Variants in CLIP2 observed in about 807,000 individuals in gnomAD.
CLIP2 encodes the protein CAP-Gly domain-containing linker protein 2.
CLIP2 carries 41 observed loss-of-function variants against 111.7 expected under a neutral mutation model. The ratio of observed to expected loss-of-function variants is 0.37; its 90% CI spans 0.29 to 0.48. The LOEUF (loss-of-function observed/expected upper bound fraction) is 0.48. CLIP2 is among the 20% of genes least tolerant of loss of function. CLIP2 has a pLI of 0.99. For missense variants in CLIP2, 1,160 were observed against 1,422.1 expected (o/e 0.82, Z 2.96); for synonymous variants, 660 against 644.2 (o/e 1.02, Z -0.37).
intron 1 of CLIP2, among the ~76,000 whole-genome samples, chr7:74,297,961 T>C (rs1253001095): frequency 6.6e-6 from 1 of 151,650 alleles, no homozygotes. Context: ...TCACTAAACA[T>C]GTATTTTTGA....
intron 1 of CLIP2, among the ~76,000 whole-genome samples, chr7:74,303,302 G>A (rs1788388864): frequency 6.6e-6 from 1 of 152,194 alleles, no homozygotes; most frequent in African/African-American, 2.4e-5. Context: ...ATGGGCAGTG[G>A]GGTCCGTGGA....
Position 74,357,398 on chromosome 7 carries a change from GGGCTGAGGTGGCCAA to G in CLIP2, c.1140_1154del (p.Glu381_Ala385del), listed in dbSNP as rs781907330. On this transcript the variant is annotated inframe_deletion, in exon 6 of 17. Coordinates refer to ENST00000223398, the MANE Select transcript of CLIP2 (RefSeq NM_003388.5). ...CTGCTGGCTGAACGAGACCTGGAAC[GGGCTGAGGTGGCCAA>G]GGCCACAAGCCACATCTGCGAGGTG... 6.2e-7 allele frequency: 1 copy of G among 1,613,534 alleles called. No homozygotes were observed. The highest frequency in any genetic ancestry group is 1.1e-5 in the South Asian group (1 of 90,998).
At position 74,338,698 on chromosome 7, in the gene CLIP2, G is replaced by A. The variant is rs1554732677; in HGVS notation, c.372G>A (p.Val124=). Residue 124 remains valine, a synonymous_variant, in exon 3 of 17, where the codon GTG becomes GTA. Transcript: ENST00000223398. The surrounding 1 kb of genome is among the most constrained non-coding windows in gnomAD (Gnocchi z 4.3). ...CGGTGGGCAAGAATGATGGCGCGGT[G>A]GGCGGCGTGCGCTACTTCGAGTGCC... is the stretch of plus-strand genomic sequence containing the variant. ...DDPVGKNDGA[V]GGVRYFECPA... 1.3e-6 allele frequency: 2 copies of A among 1,585,274 alleles called. No individual in the cohort carries two copies. The highest frequency in any genetic ancestry group is 1.7e-6 in the Non-Finnish European group (2 of 1,169,628).
chr7:74,292,605 C>G (rs2116434109), intron 1 of CLIP2, among the ~76,000 whole-genome samples: 1 of 151,970 alleles, frequency 6.6e-6, no homozygotes, highest in East Asian at 1.9e-4. Context: ...TCAAGCTGGT[C>G]TCAAACTCCT....
chr7:74,397,265 G>A (rs200491218), intron 14 of CLIP2, 32 bp downstream of exon 14: 16 of 1,606,904 alleles, frequency 1.0e-5, no homozygotes, highest in Non-Finnish European at 1.4e-5. Flanking sequence ...TAGGGGCAGG[G>A]GCACTAGTCC....
chr7:74,389,351 AG>A (rs1375459891), intron 13 of CLIP2, 92 bp downstream of exon 13: 1 of 1,342,042 alleles, frequency 7.5e-7, no homozygotes, highest in South Asian at 1.5e-5. Context: ...TGGGGCAGAG[AG>A]GGGGATAGAG....
intron 2 of CLIP2, among the ~76,000 whole-genome samples, chr7:74,319,347 A>T (rs1788881306): frequency 6.6e-6 from 1 of 152,050 alleles, no homozygotes; most frequent in Non-Finnish European, 1.5e-5. Context: ...CCCCGTCTCT[A>T]CTAAAAATAC....
chr7:74,304,753 A>G (rs1554727485), intron 1 of CLIP2, among the ~76,000 whole-genome samples: 1 of 152,086 alleles, frequency 6.6e-6, no homozygotes, highest in Admixed American at 6.6e-5. Context: ...CAGGAGTTCA[A>G]GACCAGCCTG....
At chr7:74,397,501 T>C (rs1246449217) in intron 14 of CLIP2, among the ~76,000 whole-genome samples, 1 of 152,020 alleles carries the variant, frequency 6.6e-6, no homozygotes, top group African/African-American at 2.4e-5. Context: ...AGAGGCAGGA[T>C]GAGCCAATAC....
chr7:74,352,290 A>T (rs1332066886), intron 3 of CLIP2, among the ~76,000 whole-genome samples: 1 of 152,098 alleles, frequency 6.6e-6, no homozygotes, highest in Non-Finnish European at 1.5e-5. Flanking sequence ...CAAAAAAATT[A>T]GCCGGGCATG....
chr7:74,335,288 A>AAAAAT, intron 2 of CLIP2, among the ~76,000 whole-genome samples: 1 of 151,032 alleles, frequency 6.6e-6, no homozygotes, highest in African/African-American at 2.4e-5. Context: ...AAAAAAAAAA[A>AAAAAT]GTGCCCTGTC....
chr7:74,386,777 C>A (rs920501597), intron 12 of CLIP2, among the ~76,000 whole-genome samples, 173 bp downstream of exon 12: 12 of 152,090 alleles, frequency 7.9e-5, no homozygotes, highest in African/African-American at 2.7e-4. Context: ...AATCCCAGCA[C>A]TTTGGGAGTC....
chr7:74,360,829 G>A lies in CLIP2; in HGVS notation c.1319+551G>A, dbSNP rs184280143. Among the ~76,000 whole-genome samples the A allele has an allele frequency of 6.8e-4, 103 of 152,266 alleles. 2 individuals are homozygous for A. The East Asian group carries it at 0.014, about 21-fold the overall frequency. On this transcript the variant is annotated intron_variant, in intron 7 of 16. Transcript: ENST00000223398. Reference sequence around the variant, plus strand: ...GCCTCCCAAAGTGCAGGCATGAACCGTTGTGCCTGGCCTTGGAACACCGCA... The same window carrying A: ...GCCTCCCAAAGTGCAGGCATGAACCATTGTGCCTGGCCTTGGAACACCGCA...
chr7:74,401,402 T>C (rs554381307), intron 15 of CLIP2, 103 bp from the exon 16 acceptor site: 169 of 1,132,380 alleles, frequency 1.5e-4, no homozygotes, highest in Admixed American at 5.9e-4. Context: ...GGGTTGGAAT[T>C]TGGAGCCTGA....
At chr7:74,359,200 C>T (rs1218750817) in intron 6 of CLIP2, among the ~76,000 whole-genome samples, 1 of 151,388 alleles carries the variant, frequency 6.6e-6, no homozygotes, top group Non-Finnish European at 1.5e-5. Flanking sequence ...AACTCCTGGC[C>T]TCAAGTGATC....
rs140815866 is a variant in CLIP2 at position 74,321,714 on chromosome 7, C to T, written c.121+4047C>T. Among the ~76,000 whole-genome samples, 757 of 152,054 alleles carry T rather than the reference C, an allele frequency of 5.0e-3. 8 individuals carry two copies. Among genetic ancestry groups the T allele is most frequent in the African/African-American group, 0.018 (732 of 41,536 alleles). On this transcript the variant is annotated intron_variant, in intron 2 of 16. Transcript: ENST00000223398. The stretch of plus-strand genomic sequence containing the variant: ...TGAACTCCTGGCCTTGTGATCCCCC[C>T]GCCTTGGCCCCCCAAAGTGCTGGGA...
At chr7:74,339,138 G>C in intron 3 of CLIP2, 134 bp downstream of exon 3, 1 of 739,036 alleles carries the variant, frequency 1.4e-6, no homozygotes. Flanking sequence ...GTCCAGCCTG[G>C]GACACCCATT....
intron 3 of CLIP2, among the ~76,000 whole-genome samples, chr7:74,346,085 C>T (rs1562700483): frequency 6.6e-6 from 1 of 151,900 alleles, no homozygotes; most frequent in Non-Finnish European, 1.5e-5. Context: ...TTCAAGCGAT[C>T]CTCCCAACTC....
At chr7:74,390,588 T>C (rs1429730450) in intron 13 of CLIP2, among the ~76,000 whole-genome samples, 3 of 150,764 alleles carry the variant, frequency 2.0e-5, no homozygotes, top group African/African-American at 7.3e-5. Context: ...AGGATCACCT[T>C]AGGTGGCAAG....
Sources: allele counts gnomAD v4.1 joint callset (sites outside exome capture counted in the v4.1 genomes callset), GRCh38; gene constraint gnomAD v4.1.1; non-coding constraint Gnocchi (gnomAD v3.1); transcripts MANE v1.5; gene names NCBI Gene and HGNC (gene_info 2026-07-23, HGNC 2026-07-21).